RMDN1: variants seen among roughly 807,000 people sequenced by gnomAD.
RMDN1 encodes the protein regulator of microtubule dynamics 1, also known as regulator of microtubule dynamics protein 1.
In RMDN1, 48 loss-of-function variants were observed where a neutral mutation model predicts 48.9. The ratio of observed to expected loss-of-function variants is 0.98; its 90% CI spans 0.78 to 1.25. The LOEUF (loss-of-function observed/expected upper bound fraction) is 1.25. RMDN1 is among the 50% of genes most tolerant of loss of function. The probability of loss-of-function intolerance (pLI) is 0.00; values close to 1 mark genes in which losing one functional copy is unlikely to be tolerated. For synonymous variants in RMDN1, 148 were observed against 132.6 expected, an observed-to-expected ratio of 1.12 and a Z score of -0.80; for missense variants, 418 against 373.4, an observed-to-expected ratio of 1.12 and a Z score of -0.98.
chr8:86,471,855 G>A (rs1812607327), downstream of RMDN1, among the ~76,000 whole-genome samples: 1 of 152,184 alleles, frequency 6.6e-6, no homozygotes, highest in Non-Finnish European at 1.5e-5. Context: ...ATGACAACCG[G>A]ACTGGCCTAT....
chr8:86,504,189 T>C, intron 2 of RMDN1: 4 of 1,518,170 alleles, frequency 2.6e-6, no homozygotes, highest in Non-Finnish European at 3.7e-6. Context: ...GTGCAGCCCT[T>C]CCATTTTGCC....
At chr8:86,508,356 G>C in intron 1 of RMDN1, 136 bp downstream of exon 1, 1 of 950,268 alleles carries the variant, frequency 1.1e-6, no homozygotes, top group Non-Finnish European at 1.5e-6. Flanking sequence ...GGGCGTTCCA[G>C]GCACAGTGGC....
At chr8:86,503,590 G>A in intron 2 of RMDN1, 1 of 439,090 alleles carries the variant, frequency 2.3e-6, no homozygotes, top group South Asian at 1.9e-5. Flanking sequence ...GGACACAGAA[G>A]GTCACCCCAG....
intron 1 of RMDN1, 47 bp from the exon 2 acceptor site, chr8:86,507,159 G>A (rs1397170840): frequency 1.7e-6 from 2 of 1,210,846 alleles, no homozygotes; most frequent in East Asian, 2.3e-5. Flanking sequence ...AAAATTTGAA[G>A]GTACTGCTAC....
chr8:86,508,460 G>A (rs764611776), intron 1 of RMDN1, 32 bp downstream of exon 1: 27 of 1,536,074 alleles, frequency 1.8e-5, no homozygotes, highest in Admixed American at 1.6e-4. Context: ...TGAGTAGGAA[G>A]TGAGGAGCGG....
At chr8:86,503,144 G>C (rs891416812) in intron 2 of RMDN1, among the ~76,000 whole-genome samples, 1 of 151,918 alleles carries the variant, frequency 6.6e-6, no homozygotes, top group Non-Finnish European at 1.5e-5. Context: ...ATGAGGTCAG[G>C]AGTTTGAGAC....
chr8:86,474,751 G>T (rs924322305), intron 9 of RMDN1, 69 bp downstream of exon 9: 27 of 1,395,872 alleles, frequency 1.9e-5, no homozygotes, highest in African/African-American at 5.7e-5. Flanking sequence ...TGCTTTTAAA[G>T]AAGTTCTTAA....
Position 86,478,929 on chromosome 8 carries a change from A to G in RMDN1, c.723T>C (p.Tyr241=). The change falls in exon 7 of 10, where the codon TAT becomes TAC. Residue 241 remains tyrosine, a synonymous_variant. Transcript: ENST00000406452. ...MLFATPPSST[Y]EKALGYFHRA... is the part of the protein sequence containing the mutation. ...ACAAAGGACATCATACTACCTTCTC[A>G]TAGGTGGAACTAGGAGGAGTTGCAA... is the stretch of plus-strand genomic sequence containing the variant. 2 of 1,611,982 alleles carry G rather than the reference A, an allele frequency of 1.2e-6. No individual in the cohort carries two copies. The highest frequency in any genetic ancestry group is 1.7e-6 in the Non-Finnish European group (2 of 1,178,072).
intron 2 of RMDN1, among the ~76,000 whole-genome samples, chr8:86,496,693 G>C (rs1163129580): frequency 6.6e-6 from 1 of 152,128 alleles, no homozygotes; most frequent in Non-Finnish European, 1.5e-5. Flanking sequence ...CCATAATACT[G>C]AGAGACTTCA....
At chr8:86,474,682 C>G in intron 9 of RMDN1, 138 bp downstream of exon 9, 1 of 876,748 alleles carries the variant, frequency 1.1e-6, no homozygotes, top group Non-Finnish European at 1.9e-6. Flanking sequence ...AAATGTCAAT[C>G]AATTTACACT....
At chr8:86,479,303 T>G (rs1813935376) in intron 6 of RMDN1, among the ~76,000 whole-genome samples, 2 of 152,206 alleles carry the variant, frequency 1.3e-5, no homozygotes, top group African/African-American at 4.8e-5. Context: ...CATTTATTCC[T>G]TGTAACAATT....
At chr8:86,477,667 A>C (rs1255702769) in intron 7 of RMDN1, among the ~76,000 whole-genome samples, 1 of 152,214 alleles carries the variant, frequency 6.6e-6, no homozygotes, top group Non-Finnish European at 1.5e-5. Flanking sequence ...TTTAGTAAAA[A>C]CAAAATATAA....
chr8:86,471,220 G>T (rs1812534449), downstream of RMDN1, among the ~76,000 whole-genome samples: 1 of 148,792 alleles, frequency 6.7e-6, no homozygotes, highest in African/African-American at 2.5e-5. Context: ...GTTCTAATAA[G>T]GAATCAGGAG....
At position 86,474,240 on chromosome 8, in the gene RMDN1, ATTAAG is replaced by A. The variant is rs1199364859; in HGVS notation, c.*63_*67del. On this transcript the variant is annotated 3_prime_UTR_variant, in exon 10 of 10. Transcript: ENST00000406452. ...GCCGTAGAACAGTTATAGTTCATAT[ATTAAG>A]TTTAGAATTAAAAGAAAAGGCAATG... 2.5e-6 allele frequency: 4 copies of A among 1,603,096 alleles called. No individual in the cohort carries two copies. The highest frequency in any genetic ancestry group is 1.7e-5 in the Admixed American group (1 of 58,476).
In RMDN1 at chr8:86,476,299, G is replaced by A. The variant is rs181740734; in HGVS notation, c.760+995C>T. Among the ~76,000 whole-genome samples the A allele has an allele frequency of 3.1e-3, 470 of 152,218 alleles. 2 individuals are homozygous for A. Among genetic ancestry groups the A allele is most frequent in the African/African-American group, 0.011 (448 of 41,532 alleles). On this transcript the variant is annotated intron_variant, in intron 8 of 9. Coordinates refer to ENST00000406452, the MANE Select transcript of RMDN1 (RefSeq NM_016033.3). The stretch of plus-strand genomic sequence containing the variant: ...ATGATCAAGAGAGGGTATCAGTGAA[G>A]GTAATAATGAATAAATCAGAATTGA...
At chr8:86,503,565 AGATTAG>A (rs1401718764) in intron 2 of RMDN1, 2 of 357,964 alleles carry the variant, frequency 5.6e-6, no homozygotes, top group African/African-American at 4.2e-5. Context: ...GAAAAGAATT[AGATTAG>A]GACCATGCGG....
chr8:86,475,940 AAAAGAC>A (rs1813297976), intron 8 of RMDN1, among the ~76,000 whole-genome samples: 1 of 152,194 alleles, frequency 6.6e-6, no homozygotes, highest in African/African-American at 2.4e-5. Flanking sequence ...TGTGAGCCAG[AAAAGAC>A]AAAGTCCACA....
upstream of RMDN1, among the ~76,000 whole-genome samples, chr8:86,509,601 T>C (rs902068550): frequency 2.0e-5 from 3 of 152,206 alleles, no homozygotes; most frequent in Non-Finnish European, 2.9e-5. Context: ...AGGGAATTAA[T>C]ACATAGTCGT....
intron 2 of RMDN1, among the ~76,000 whole-genome samples, chr8:86,499,238 A>G (rs953121910): frequency 6.6e-6 from 1 of 152,188 alleles, no homozygotes; most frequent in Non-Finnish European, 1.5e-5. Context: ...AGAGAAAGAA[A>G]GGAAAGGCAT....
Sources: allele counts gnomAD v4.1 joint callset (sites outside exome capture counted in the v4.1 genomes callset), GRCh38; gene constraint gnomAD v4.1.1; transcripts MANE v1.5; gene names NCBI Gene and HGNC (gene_info 2026-07-23, HGNC 2026-07-21).